RBM47: variants seen among roughly 807,000 people sequenced by gnomAD.
RBM47 encodes RNA-binding protein 47.
In RBM47, 21 loss-of-function variants were observed where a neutral mutation model predicts 47.1. The ratio of observed to expected loss-of-function variants is 0.45; its 90% CI spans 0.32 to 0.64. The LOEUF (loss-of-function observed/expected upper bound fraction) is 0.64, where lower values mean the gene tolerates loss of function less well. Among genes scored for constraint, RBM47 ranks in the 30% least tolerant of loss-of-function variants. The pLI, the probability that RBM47 is intolerant of heterozygous loss-of-function variation, is 0.05. For missense variants in RBM47, 708 were observed against 870.9 expected (o/e 0.81, Z 2.35); for synonymous variants, 375 against 361.7 (o/e 1.04, Z -0.42).
intron 1 of RBM47, among the ~76,000 whole-genome samples, chr4:40,625,410 T>C: frequency 6.6e-6 from 1 of 152,210 alleles, no homozygotes; most frequent in East Asian, 1.9e-4. Flanking sequence ...AGATACTTTT[T>C]ATTATAATAT....
At chr4:40,495,836 T>G (rs73235643) in intron 2 of RBM47, among the ~76,000 whole-genome samples, 2 of 3,152 alleles carry the variant, frequency 6.3e-4, no homozygotes, top group Non-Finnish European at 1.3e-3. Context: ...TTGTGCGCGC[T>G]CTCTCTCTCT....
rs1311464976 is a variant in RBM47 at position 40,423,696 on chromosome 4, CT to C, written c.*2207del. On this transcript the variant is annotated 3_prime_UTR_variant, in exon 7 of 7. Coordinates refer to ENST00000295971, the MANE Select transcript of RBM47 (RefSeq NM_001098634.2). ...TCTTTCTTTCTTTCTTTCTTTCTTT[CT>C]TTCTTTCTTTCTTTCTTTTCTTTCT... 1.1e-5 allele frequency: 1 copy of C among 94,822 alleles called. No individual in the cohort carries two copies. The highest frequency in any genetic ancestry group is 2.0e-5 in the Non-Finnish European group (1 of 50,794). The allele number at this position is 94,822 out of a possible 1,614,324, so 5.9% of individuals were successfully genotyped here.
intron 6 of RBM47, 128 bp downstream of exon 6, chr4:40,432,521 TTG>T: frequency 1.4e-6 from 2 of 1,473,090 alleles, no homozygotes. Context: ...TCAAAATGCT[TTG>T]TGTCACCCAA....
At chr4:40,607,109 C>A (rs1214360278) in intron 1 of RBM47, among the ~76,000 whole-genome samples, 2 of 152,124 alleles carry the variant, frequency 1.3e-5, no homozygotes, top group Non-Finnish European at 2.9e-5. Context: ...AAACATCCAT[C>A]AACTGATGAA....
At chr4:40,590,820 T>C (rs1216287558) in intron 1 of RBM47, among the ~76,000 whole-genome samples, 2 of 152,212 alleles carry the variant, frequency 1.3e-5, no homozygotes, top group Admixed American at 6.5e-5. Flanking sequence ...CCTTTTCTTT[T>C]GAGATGGAGT....
At chr4:40,616,295 A>G (rs1736712478) in intron 1 of RBM47, among the ~76,000 whole-genome samples, 1 of 150,102 alleles carries the variant, frequency 6.7e-6, no homozygotes, top group African/African-American at 2.5e-5. Context: ...CGGAGCTTGC[A>G]GTGAGCCGAG....
intron 1 of RBM47, among the ~76,000 whole-genome samples, chr4:40,583,274 C>G (rs1244334205): frequency 1.3e-5 from 2 of 150,272 alleles, no homozygotes; most frequent in Non-Finnish European, 2.9e-5. Flanking sequence ...ATTAGCTGGG[C>G]ATGGTGGTGC....
intron 3 of RBM47, among the ~76,000 whole-genome samples, chr4:40,452,176 A>AC (rs201299043): frequency 0.034 from 5,184 of 152,132 alleles, 117 homozygotes; most frequent in Middle Eastern, 0.061. Flanking sequence ...TCTCAAAAAA[A>AC]AAAAAAAGAA....
Position 40,570,944 on chromosome 4 carries a change from G to A in RBM47, c.-239-26438C>T, listed in dbSNP as rs1417984221. Among the ~76,000 whole-genome samples, 6 of 152,054 alleles carry A rather than the reference G, an allele frequency of 3.9e-5. 1 individual carries two copies. Among genetic ancestry groups the A allele is most frequent in the Admixed American group, 2.6e-4 (4 of 15,278 alleles). ...AAATAAAATACTGACGGCTGGGCGC[G>A]GTGGCTCACGCCTGTATTCCCAGCA... On this transcript the variant is annotated intron_variant, in intron 1 of 6. Transcript: ENST00000295971.
intron 1 of RBM47, among the ~76,000 whole-genome samples, chr4:40,567,745 C>T (rs893428054): frequency 2.6e-5 from 4 of 151,936 alleles, no homozygotes; most frequent in African/African-American, 9.7e-5. Flanking sequence ...GTATTTTGTT[C>T]CCAACATGAT....
intron 1 of RBM47, among the ~76,000 whole-genome samples, chr4:40,569,710 T>C (rs1207488827): frequency 7.8e-6 from 1 of 128,912 alleles, no homozygotes; most frequent in African/African-American, 3.0e-5. Flanking sequence ...CGCCCGGCTC[T>C]ATTCTCATTT....
At chr4:40,456,930 GGAGGGC>G (rs1407298764) in intron 3 of RBM47, among the ~76,000 whole-genome samples, 1 of 151,422 alleles carries the variant, frequency 6.6e-6, no homozygotes, top group Non-Finnish European at 1.5e-5. Flanking sequence ...AAACTGAGAA[GGAGGGC>G]GATCATGTGC....
chr4:40,622,483 A>G (rs1206396294), intron 1 of RBM47, among the ~76,000 whole-genome samples: 1 of 152,218 alleles, frequency 6.6e-6, no homozygotes, highest in Non-Finnish European at 1.5e-5. Flanking sequence ...GAGGTTAAAG[A>G]GGTGATGGGA....
rs571146525 is a variant in RBM47 at position 40,606,154 on chromosome 4, C to T, written c.-240+23242G>A. Among the ~76,000 whole-genome samples the T allele has an allele frequency of 4.7e-5, 7 of 149,140 alleles. No homozygotes were observed. The South Asian group carries it at 1.5e-3, about 32-fold the overall frequency. ...TAGAGGTTGCAGTGAGCCAAGATCA[C>T]GTTACTGCACTCCAGCCTGGGTGAC... is the stretch of plus-strand genomic sequence containing the variant. On this transcript the variant is annotated intron_variant, in intron 1 of 6. Coordinates refer to ENST00000295971, the MANE Select transcript of RBM47 (RefSeq NM_001098634.2).
intron 2 of RBM47, among the ~76,000 whole-genome samples, chr4:40,477,043 C>T (rs1392539649): frequency 1.3e-5 from 2 of 151,844 alleles, no homozygotes; most frequent in Admixed American, 6.6e-5. Flanking sequence ...GAGACTCGGG[C>T]GTGGTGGTGG....
At chr4:40,548,858 G>T (rs777678821) in intron 1 of RBM47, among the ~76,000 whole-genome samples, 14 of 151,918 alleles carry the variant, frequency 9.2e-5, no homozygotes, top group Non-Finnish European at 1.9e-4. Flanking sequence ...CCGAGACAGG[G>T]TTTCACCATG....
chr4:40,436,517 C>T lies in RBM47; in HGVS notation c.1254G>A (p.Gln418=). Residue 418 remains glutamine (Q), a synonymous_variant, in exon 5 of 7, where the codon CAG becomes CAA. Coordinates refer to ENST00000295971, the MANE Select transcript of RBM47 (RefSeq NM_001098634.2). ...GCACCAGTTCATATCCTTTTTCTTGCTGCTTTCCTTTCCCTTCATGATATC... is the reference window on the plus strand; with the variant it reads ...GCACCAGTTCATATCCTTTTTCTTGTTGCTTTCCTTTCCCTTCATGATATC... ...YSRYHEGKGK[Q]QEKGYELVPN... is the part of the protein sequence containing the mutation. The T allele has an allele frequency of 6.2e-7, 1 of 1,614,184 alleles. No homozygotes were observed. Among genetic ancestry groups the T allele is most frequent in the Non-Finnish European group, 8.5e-7 (1 of 1,180,030 alleles).
Position 40,460,180 on chromosome 4 carries a change from G to A in RBM47, c.-32+6397C>T, listed in dbSNP as rs895308804. 2.7e-5 allele frequency among the ~76,000 whole-genome samples: 4 copies of A among 150,730 alleles called. No individual in the cohort carries two copies. In the East Asian group the frequency reaches 7.7e-4, roughly 29 times the overall value. ...CCCTTGAGCCGTCTTGGTAAAGTAG[G>A]TACTGGCCAGGGAGCTATAAAATTT... On this transcript the variant is annotated intron_variant, in intron 3 of 6. Coordinates refer to ENST00000295971, the MANE Select transcript of RBM47 (RefSeq NM_001098634.2).
At chr4:40,535,867 T>A (rs1727925100) in intron 2 of RBM47, among the ~76,000 whole-genome samples, 2 of 151,746 alleles carry the variant, frequency 1.3e-5, no homozygotes, top group South Asian at 2.1e-4. Context: ...CTCGTATATA[T>A]TTTTTTTCCC....
Sources: allele counts gnomAD v4.1 joint callset (sites outside exome capture counted in the v4.1 genomes callset), GRCh38; gene constraint gnomAD v4.1.1; transcripts MANE v1.5; gene names NCBI Gene and HGNC (gene_info 2026-07-23, HGNC 2026-07-21).